GABPB1: variants seen among roughly 807,000 people sequenced by gnomAD.
GABPB1 encodes GA binding protein transcription factor subunit beta 1.
Under a neutral mutation model 45.9 loss-of-function variants are expected in GABPB1, and 15 were observed. That is an observed-to-expected ratio of 0.33 (90% CI 0.22 to 0.50). The LOEUF is 0.50. Ranked by LOEUF, GABPB1 falls within the 20% of genes least tolerant of loss-of-function variation. The pLI, the probability that GABPB1 is intolerant of heterozygous loss-of-function variation, is 0.98. For missense variants in GABPB1, 252 were observed against 457.5 expected, an observed-to-expected ratio of 0.55 and a Z score of 4.10; for synonymous variants, 143 against 154.4, an observed-to-expected ratio of 0.93 and a Z score of 0.55.
Position 50,301,338 on chromosome 15 carries a change from G to A in GABPB1, c.502C>T (p.Pro168Ser). ...ATTGTCACAGTGTCAGGACTCTCTG[G>A]GTTTGTGTTGATTTGGTTCTGCATA... is the stretch of plus-strand genomic sequence containing the variant. ...IAMQNQINTN[P>S]ESPDTVTIHA... is the part of the protein sequence containing the mutation. The change falls in exon 5 of 9, where the codon CCA becomes TCA. Residue 168 changes from proline to serine, a missense_variant. Pro to Ser is a moderately conservative substitution (Grantham distance 74, BLOSUM62 -1). This residue lies in a region of GABPB1 where 193 missense variants were observed against 259.9 expected (regional missense o/e 0.74). Coordinates refer to ENST00000380877, the MANE Select transcript of GABPB1 (RefSeq NM_016654.5). 3 of 1,613,658 alleles carry A rather than the reference G, an allele frequency of 1.9e-6. No individual in the cohort carries two copies. The highest frequency in any genetic ancestry group is 2.5e-6 in the Non-Finnish European group (3 of 1,179,854).
rs553748191 is a variant in GABPB1, at chr15:50,299,488, C to T, written c.697+1301G>A. ...GATCTCGGCTCACCGCAACCTCCACCTCCCGGGTTCAAGCCATTCTCCTGC... is the reference window on the plus strand; with the variant it reads ...GATCTCGGCTCACCGCAACCTCCACTTCCCGGGTTCAAGCCATTCTCCTGC... On this transcript the variant is annotated intron_variant, in intron 6 of 8. Coordinates refer to ENST00000380877, the MANE Select transcript of GABPB1 (RefSeq NM_016654.5). Among the ~76,000 whole-genome samples, 38 of 152,314 alleles carry T rather than the reference C, an allele frequency of 2.5e-4. 1 individual carries two copies. The East Asian group carries it at 7.3e-3, about 29-fold the overall frequency.
At chr15:50,319,161 T>A (rs1360764149) in intron 1 of GABPB1, among the ~76,000 whole-genome samples, 1 of 152,214 alleles carries the variant, frequency 6.6e-6, no homozygotes, top group Non-Finnish European at 1.5e-5. Flanking sequence ...AATGGAGACC[T>A]CTGGGAAAGA....
Position 50,303,025 on chromosome 15 carries a change from T to C in GABPB1, c.375A>G (p.Lys125=). 9 of 1,613,940 alleles carry C rather than the reference T, an allele frequency of 5.6e-6. No homozygotes were observed. The highest frequency in any genetic ancestry group is 7.6e-6 in the Non-Finnish European group (9 of 1,179,876). The change falls in exon 4 of 9, where the codon AAA becomes AAG. Residue 125 remains lysine (K), a synonymous_variant. Coordinates refer to ENST00000380877, the MANE Select transcript of GABPB1 (RefSeq NM_016654.5). ...NHQEVVELLI[K]YGADVHTQSK... is the part of the protein sequence containing the mutation. ...TTTGCGTGTGTACATCAGCACCATA[T>C]TTGATTAAAAGTTCCACCACCTCTT...
At chr15:50,303,861 C>A in intron 3 of GABPB1, 105 bp downstream of exon 3, 1 of 828,334 alleles carries the variant, frequency 1.2e-6, no homozygotes, top group Non-Finnish European at 1.9e-6. Flanking sequence ...AAATGAAATA[C>A]TATAGATAAA....
intron 1 of GABPB1, among the ~76,000 whole-genome samples, chr15:50,338,831 T>A (rs907046980): frequency 1.4e-4 from 21 of 152,222 alleles, no homozygotes; most frequent in Non-Finnish European, 4.4e-5. Context: ...CTTATTCAAA[T>A]CTATTTTTGT....
intron 1 of GABPB1, among the ~76,000 whole-genome samples, chr15:50,342,837 T>A (rs1423132650): frequency 6.6e-6 from 1 of 152,232 alleles, no homozygotes; most frequent in Non-Finnish European, 1.5e-5. Context: ...TCAAGGTTTA[T>A]ATTAACAAGT....
intron 1 of GABPB1, chr15:50,353,588 A>AT (rs1214463960): frequency 6.6e-6 from 1 of 151,954 alleles, no homozygotes. Flanking sequence ...GAAAAAAAAA[A>AT]CCAAGAGAAA....
chr15:50,312,887 G>A (rs775430975), intron 1 of GABPB1, among the ~76,000 whole-genome samples: 8 of 151,928 alleles, frequency 5.3e-5, no homozygotes, highest in South Asian at 2.1e-4. Context: ...ATTTGTAAGC[G>A]TTCTGACATA....
At chr15:50,341,169 AATATAG>A (rs1287176901) in intron 1 of GABPB1, among the ~76,000 whole-genome samples, 1 of 152,106 alleles carries the variant, frequency 6.6e-6, no homozygotes, top group African/African-American at 2.4e-5. Context: ...TTCCAAAATG[AATATAG>A]ATATAATTAT....
chr15:50,345,719 T>G (rs28525644), intron 1 of GABPB1, among the ~76,000 whole-genome samples: 44 of 145,584 alleles, frequency 3.0e-4, no homozygotes, highest in African/African-American at 9.4e-4. Flanking sequence ...CATTTTTTTT[T>G]GTTTTTTTTT....
At chr15:50,307,015 T>C (rs144531748) in intron 2 of GABPB1, among the ~76,000 whole-genome samples, 9 of 152,296 alleles carry the variant, frequency 5.9e-5, no homozygotes, top group African/African-American at 2.2e-4. Flanking sequence ...ATAATGTTGC[T>C]GCTAAATACA....
intron 1 of GABPB1, among the ~76,000 whole-genome samples, chr15:50,342,322 CTCT>C (rs371818808): frequency 9.6e-4 from 135 of 140,186 alleles, no homozygotes; most frequent in African/African-American, 3.7e-3. Context: ...AAGGATTGAT[CTCT>C]TTTTTTTTTT....
intron 1 of GABPB1, among the ~76,000 whole-genome samples, chr15:50,342,487 C>CA (rs1033072843): frequency 6.6e-6 from 1 of 152,146 alleles, no homozygotes; most frequent in African/African-American, 2.4e-5. Flanking sequence ...AACCTACACA[C>CA]AAAAATTAAA....
chr15:50,302,844 G>T, intron 4 of GABPB1, 85 bp downstream of exon 4: 1 of 913,418 alleles, frequency 1.1e-6, no homozygotes, highest in Non-Finnish European at 1.6e-6. Flanking sequence ...ACAAACAATA[G>T]TTTAAATCAT....
chr15:50,328,571 AT>A (rs1443045654), intron 1 of GABPB1, among the ~76,000 whole-genome samples: 4 of 152,362 alleles, frequency 2.6e-5, no homozygotes, highest in African/African-American at 9.6e-5. Context: ...CAGGAAGCAC[AT>A]CTTTTTTGGA....
Position 50,283,379 on chromosome 15 carries a change from A to G in GABPB1, c.999+2689T>C, listed in dbSNP as rs377754151. Among the ~76,000 whole-genome samples, 9 of 152,028 alleles carry G rather than the reference A, an allele frequency of 5.9e-5. No individual in the cohort carries two copies. In the East Asian group the frequency reaches 1.5e-3, roughly 26 times the overall value. On this transcript the variant is annotated intron_variant, in intron 8 of 8. Transcript: ENST00000380877. ...AAAAAAAAAACCTATTTTATTTCCT[A>G]TATTGCCATATGCAGATGTAAAGCC...
intron 1 of GABPB1, among the ~76,000 whole-genome samples, chr15:50,315,796 C>T (rs983840564): frequency 3.9e-5 from 6 of 152,152 alleles, no homozygotes; most frequent in African/African-American, 1.4e-4. Flanking sequence ...AAATTCTGGA[C>T]GGGTGCAGTG....
chr15:50,339,882 T>C (rs77950700), intron 1 of GABPB1, among the ~76,000 whole-genome samples: 9,789 of 152,206 alleles, frequency 0.064, 354 homozygotes, highest in East Asian at 0.13. Context: ...TACCTGATAA[T>C]ATTATCACCC....
chr15:50,348,915 C>G (rs981685921), intron 1 of GABPB1: 4 of 151,844 alleles, frequency 2.6e-5, no homozygotes, highest in African/African-American at 9.7e-5. Context: ...TTTTTTAAAT[C>G]AAAGGAGATG....
Sources: allele counts gnomAD v4.1 joint callset (sites outside exome capture counted in the v4.1 genomes callset), GRCh38; gene constraint gnomAD v4.1.1; regional missense constraint gnomAD v4.1.1; transcripts MANE v1.5; gene names NCBI Gene and HGNC (gene_info 2026-07-23, HGNC 2026-07-21).